RSPH3: variants seen among roughly 807,000 people sequenced by gnomAD.
RSPH3 encodes radial spoke head protein 3 homolog.
RSPH3 carries 21 observed loss-of-function variants against 43.8 expected under a neutral mutation model. The observed-to-expected ratio is 0.48, with a 90% CI of 0.34 to 0.69. The LOEUF (loss-of-function observed/expected upper bound fraction) is 0.69, where lower values mean the gene tolerates loss of function less well. RSPH3 is among the 30% of genes least tolerant of loss of function. The pLI is 0.01. For synonymous variants in RSPH3, 173 were observed against 179.8 expected, an observed-to-expected ratio of 0.96 and a Z score of 0.30; for missense variants, 487 against 516.0, an observed-to-expected ratio of 0.94 and a Z score of 0.54.
chr6:158,973,843 T>C lies in RSPH3; in HGVS notation c.*3695A>G, dbSNP rs1240856542. On this transcript the variant is annotated 3_prime_UTR_variant, in exon 8 of 8. Coordinates refer to ENST00000367069, the MANE Select transcript of RSPH3 (RefSeq NM_031924.8). ...AATTTCTTTTTCTTTCTTTTTTTTT[T>C]TTTTGAGACGGAGTCTTGCTCTGTC... is the stretch of plus-strand genomic sequence containing the variant. 1 of 152,116 alleles carries C rather than the reference T, an allele frequency of 6.6e-6. No homozygotes were observed. The highest frequency in any genetic ancestry group is 2.4e-5 in the African/African-American group (1 of 41,428). 9.4% of individuals were successfully genotyped at this position (152,116 alleles called of 1,614,324 possible).
In RSPH3 at chr6:158,976,853, G is replaced by A. The variant is rs998881047; in HGVS notation, c.*685C>T. On this transcript the variant is annotated 3_prime_UTR_variant, in exon 8 of 8. Transcript: ENST00000367069. Reference sequence around the variant, plus strand: ...TTTTTTGAGACGGAGTTTTGCTCTTGTTGCCCAGGCTGGAGTGCAATGGTG... The same window carrying A: ...TTTTTTGAGACGGAGTTTTGCTCTTATTGCCCAGGCTGGAGTGCAATGGTG... 1.3e-5 allele frequency: 2 copies of A among 151,526 alleles called. No individual in the cohort carries two copies. Among genetic ancestry groups the A allele is most frequent in the African/African-American group, 4.9e-5 (2 of 41,014 alleles). The allele number at this position is 151,526 out of a possible 1,614,324, so 9.4% of individuals were successfully genotyped here. A position where few individuals can be genotyped will look rare whatever the true frequency, so the allele number is the denominator to read the frequency against.
intron 7 of RSPH3, among the ~76,000 whole-genome samples, 169 bp downstream of exon 7, chr6:158,978,091 T>C (rs1777910168): frequency 6.6e-6 from 1 of 152,228 alleles, no homozygotes; most frequent in Non-Finnish European, 1.5e-5. Context: ...TAGCAAATTA[T>C]AGAAGAGCCA....
Position 158,977,822 on chromosome 6 carries a change from T to G in RSPH3, c.973A>C (p.Arg325=), listed in dbSNP as rs201604328. The part of the protein sequence containing the change: ...DMLIREVVEK[R]LCMYEHGEDT... Reference sequence around the variant, plus strand: ...TCCCCATGCTCATACATACACAGCCTCTTTTCAACCACCTCACGGATCAAC... The same window carrying G: ...TCCCCATGCTCATACATACACAGCCGCTTTTCAACCACCTCACGGATCAAC... The change falls in exon 8 of 8, where the codon AGG becomes CGG. Residue 325 remains arginine (R), a synonymous_variant. Coordinates refer to ENST00000367069, the MANE Select transcript of RSPH3 (RefSeq NM_031924.8). 30 of 1,612,354 alleles carry G rather than the reference T, an allele frequency of 1.9e-5. No individual in the cohort carries two copies. In the East Asian group the frequency reaches 6.2e-4, roughly 34 times the overall value.
At chr6:158,986,133 T>A (rs1778230626) in intron 3 of RSPH3, 147 bp downstream of exon 3, 6 of 799,304 alleles carry the variant, frequency 7.5e-6, no homozygotes, top group Middle Eastern at 2.4e-4. Context: ...TGTATTTCTT[T>A]AATAAAGGAA....
At chr6:158,983,033 G>T (rs546051806) in intron 4 of RSPH3, among the ~76,000 whole-genome samples, 13 of 152,190 alleles carry the variant, frequency 8.5e-5, no homozygotes, top group African/African-American at 3.1e-4. Context: ...AAGAATGAGA[G>T]ATATTTTGGT....
chr6:158,971,740 A>T (rs537281754), downstream of RSPH3, among the ~76,000 whole-genome samples: 2 of 152,336 alleles, frequency 1.3e-5, no homozygotes, highest in East Asian at 3.9e-4. Context: ...GCAGCTGCTC[A>T]AAACTCATTT....
At position 158,977,840 on chromosome 6, in the gene RSPH3, G is replaced by A. The variant is rs760768253; in HGVS notation, c.955C>T (p.Arg319Cys). The change falls in exon 8 of 8, where the codon CGT becomes TGT. Residue 319 changes from arginine (R) to cysteine (C), a missense_variant. By Grantham distance (180) the Arg-to-Cys change is radical. Transcript: ENST00000367069. ...CACAGCCTCTTTTCAACCACCTCAC[G>A]GATCAACACTGAAAAGTTAAATGTT... is the stretch of plus-strand genomic sequence containing the variant. ...VGRTVLDMLI[R>C]EVVEKRLCMY... The A allele has an allele frequency of 1.4e-4, 221 of 1,604,096 alleles. No individual in the cohort carries two copies. Among genetic ancestry groups the A allele is most frequent in the Non-Finnish European group, 1.9e-4 (219 of 1,176,620 alleles).
At chr6:158,966,053 CTTTTAA>C in the RSPH3 span, among the ~76,000 whole-genome samples, 1 of 151,942 alleles carries the variant, frequency 6.6e-6, no homozygotes, top group South Asian at 2.1e-4. Flanking sequence ...ATATTCTTTT[CTTTTAA>C]TTTTATTTTT....
At chr6:158,984,405 G>A (rs1220678562) in intron 3 of RSPH3, among the ~76,000 whole-genome samples, 4 of 116,478 alleles carry the variant, frequency 3.4e-5, no homozygotes, top group East Asian at 2.8e-4. Flanking sequence ...TGTATAAGAT[G>A]CAGAGTACAA....
chr6:158,970,830 C>T (rs1224790248), downstream of RSPH3, among the ~76,000 whole-genome samples: 4 of 152,166 alleles, frequency 2.6e-5, no homozygotes, highest in South Asian at 2.1e-4. Context: ...GGATTACAGG[C>T]GTGAGAAACG....
In RSPH3 at chr6:158,974,893, T is replaced by G. The variant is rs1021266951; in HGVS notation, c.*2645A>C. The G allele has an allele frequency of 6.6e-6, 1 of 151,642 alleles. No individual in the cohort carries two copies. The highest frequency in any genetic ancestry group is 2.4e-5 in the African/African-American group (1 of 41,228). 9.4% of individuals were successfully genotyped at this position (151,642 alleles called of 1,614,324 possible). A position where few individuals can be genotyped will look rare whatever the true frequency, so the allele number is the denominator to read the frequency against. On this transcript the variant is annotated 3_prime_UTR_variant, in exon 8 of 8. Transcript: ENST00000367069. The stretch of plus-strand genomic sequence containing the variant: ...TCTCACTCTGTCTTCCAGGCTGGAG[T>G]GCAGTGGCGCGATCTCGGCTCACTG...
At chr6:158,971,205 C>G (rs1332750335), downstream of RSPH3, among the ~76,000 whole-genome samples, 2 of 152,194 alleles carry the variant, frequency 1.3e-5, no homozygotes, top group African/African-American at 2.4e-5. Context: ...TTCAAGGCTA[C>G]TGTGGAGTTG....
At position 158,980,629 on chromosome 6, in the gene RSPH3, T is replaced by C. The variant is rs1180190065; in HGVS notation, c.859+145A>G. On this transcript the variant is annotated intron_variant, in intron 6 of 7. Transcript: ENST00000367069. ...TTAAAATATACATCTCATTAACAAC[T>C]GTACTTACTTTAAACAACTAAAATT... The C allele has an allele frequency of 6.3e-6, 4 of 631,936 alleles. No homozygotes were observed. In the East Asian group the frequency reaches 1.1e-4, roughly 17 times the overall value. The allele number at this position is 631,936 out of a possible 1,614,324, so 39.1% of individuals were successfully genotyped here.
rs760602630 is a variant in RSPH3 at position 158,999,624 on chromosome 6, C to T, written c.-74G>A. 6.2e-7 allele frequency: 1 copy of T among 1,613,686 alleles called. No homozygotes were observed. Among genetic ancestry groups the T allele is most frequent in the Admixed American group, 1.7e-5 (1 of 59,976 alleles). Reference sequence around the variant, plus strand: ...GGTGGGCGCTAAGGTGTTGTGGGACCCGGAGAGATGTAAGTAGTGCCAAGG... The same window carrying T: ...GGTGGGCGCTAAGGTGTTGTGGGACTCGGAGAGATGTAAGTAGTGCCAAGG... On this transcript the variant is annotated 5_prime_UTR_variant, in exon 1 of 8. Transcript: ENST00000367069.
Position 158,986,423 on chromosome 6 carries a change from T to C in RSPH3, c.205-2A>G, listed in dbSNP as rs142800871. 1.3e-5 allele frequency: 21 copies of C among 1,603,358 alleles called. No individual in the cohort carries two copies. Among genetic ancestry groups the C allele is most frequent in the Middle Eastern group, 3.3e-4 (2 of 5,976 alleles). ...CTCTAGAGAATCAGGCCGTCCGAGC[T>C]AACAGTGATAGAAAATACTTCTAGA... On this transcript the variant is annotated splice_acceptor_variant, in intron 2 of 7. Coordinates refer to ENST00000367069, the MANE Select transcript of RSPH3 (RefSeq NM_031924.8). LOFTEE classifies it high-confidence loss of function.
At position 158,986,438 on chromosome 6, in the gene RSPH3, A is replaced by G; in HGVS notation, c.205-17T>C. 1 of 1,594,132 alleles carries G rather than the reference A, an allele frequency of 6.3e-7. No homozygotes were observed. The highest frequency in any genetic ancestry group is 8.5e-7 in the Non-Finnish European group (1 of 1,172,190). The stretch of plus-strand genomic sequence containing the variant: ...CCGTCCGAGCTAACAGTGATAGAAA[A>G]TACTTCTAGAATTTAGAAAATATTT... On this transcript the variant is annotated splice_polypyrimidine_tract_variant and intron_variant, in intron 2 of 7. Transcript: ENST00000367069.
At chr6:158,999,407 C>T in intron 1 of RSPH3, 28 bp downstream of exon 1, 1 of 1,489,410 alleles carries the variant, frequency 6.7e-7, no homozygotes. Context: ...CAAGTATGGA[C>T]CACACAGGGG....
At chr6:158,986,923 A>C (rs1778252479) in intron 2 of RSPH3, among the ~76,000 whole-genome samples, 1 of 152,234 alleles carries the variant, frequency 6.6e-6, no homozygotes, top group South Asian at 2.1e-4. Flanking sequence ...GAAGAAAAAA[A>C]ATGTGTACTC....
chr6:158,999,086 T>C (rs1778745544), intron 1 of RSPH3, among the ~76,000 whole-genome samples: 1 of 152,226 alleles, frequency 6.6e-6, no homozygotes, highest in African/African-American at 2.4e-5. Context: ...CACTGTGGAT[T>C]AACTAAGAAA....
Sources: gnomAD v4.1 joint callset for allele counts (sites outside exome capture counted in the v4.1 genomes callset) on GRCh38, gnomAD v4.1.1 for gene constraint, MANE v1.5 for transcripts, NCBI Gene and HGNC (gene_info 2026-07-23, HGNC 2026-07-21) for gene names.